The following RAB27B variants were observed in gnomAD, a reference collection of about 807,000 sequenced individuals.
The protein encoded by RAB27B is RAB27B, member RAS oncogene family, also known as ras-related protein Rab-27B.
RAB27B carries 15 observed loss-of-function variants against 24.6 expected under a neutral mutation model. The ratio of observed to expected loss-of-function variants is 0.61; its 90% CI spans 0.41 to 0.94. The LOEUF is 0.94. Among genes scored for constraint, RAB27B ranks in the 40% least tolerant of loss-of-function variants. The probability of loss-of-function intolerance (pLI) is 0.00; values close to 1 mark genes in which losing one functional copy is unlikely to be tolerated. For missense variants in RAB27B, 261 were observed against 266.8 expected, an observed-to-expected ratio of 0.98 and a Z score of 0.15; for synonymous variants, 105 against 92.5, an observed-to-expected ratio of 1.14 and a Z score of -0.78.
chr18:54,863,117 A>G (rs1912071072), intron 1 of RAB27B, among the ~76,000 whole-genome samples: 1 of 152,172 alleles, frequency 6.6e-6, no homozygotes, highest in South Asian at 2.1e-4. Context: ...TAGTGCTTAG[A>G]CTAAATGATA....
At chr18:54,793,395 C>T (rs8096618) in intron 2 of RAB27B, among the ~76,000 whole-genome samples, 122 of 152,296 alleles carry the variant, frequency 8.0e-4, no homozygotes, top group African/African-American at 2.8e-3. Context: ...TATCCTCTTT[C>T]ATGTGATATG....
intron 1 of RAB27B, among the ~76,000 whole-genome samples, chr18:54,840,049 C>CTT (rs1911047557): frequency 6.6e-6 from 1 of 152,116 alleles, no homozygotes; most frequent in African/African-American, 2.4e-5. Flanking sequence ...AATAATGAAG[C>CTT]TTTTTATAAG....
At chr18:54,755,013 A>T (rs1219760890) in intron 2 of RAB27B, among the ~76,000 whole-genome samples, 1 of 152,192 alleles carries the variant, frequency 6.6e-6, no homozygotes, top group Non-Finnish European at 1.5e-5. Flanking sequence ...GTGAAAGAAA[A>T]AGTTTGAAAA....
upstream of RAB27B, among the ~76,000 whole-genome samples, chr18:54,825,305 A>G (rs556186863): frequency 5.3e-5 from 8 of 152,170 alleles, no homozygotes; most frequent in South Asian, 1.0e-3. Context: ...TAATTATTTG[A>G]TTAATTTAAA....
At chr18:54,876,520 C>G (rs1912709884) in intron 1 of RAB27B, among the ~76,000 whole-genome samples, 1 of 152,048 alleles carries the variant, frequency 6.6e-6, no homozygotes, top group African/African-American at 2.4e-5. Context: ...ATGACAAACC[C>G]ATTTCAATTA....
intron 1 of RAB27B, among the ~76,000 whole-genome samples, chr18:54,859,942 C>G (rs1411763541): frequency 6.6e-6 from 1 of 152,092 alleles, no homozygotes; most frequent in Admixed American, 6.5e-5. Flanking sequence ...AGAAGTAAAA[C>G]CAGATTTTAA....
intron 2 of RAB27B, among the ~76,000 whole-genome samples, chr18:54,733,189 G>C (rs770942998): frequency 3.9e-5 from 6 of 152,092 alleles, no homozygotes; most frequent in African/African-American, 1.4e-4. Context: ...GGGACTATAG[G>C]TGCATACCAC....
chr18:54,721,609 C>T (rs966758618), intron 2 of RAB27B, among the ~76,000 whole-genome samples: 4 of 152,050 alleles, frequency 2.6e-5, no homozygotes, highest in Admixed American at 6.6e-5. Flanking sequence ...GTTATGTCCC[C>T]CCTTGCACAG....
chr18:54,720,417 C>T (rs992373264), intron 2 of RAB27B, among the ~76,000 whole-genome samples: 4 of 151,964 alleles, frequency 2.6e-5, no homozygotes, highest in African/African-American at 9.7e-5. Context: ...AATCTCATTC[C>T]ACCGATTTCA....
chr18:54,757,430 C>G (rs540616780), intron 2 of RAB27B, among the ~76,000 whole-genome samples: 18 of 152,236 alleles, frequency 1.2e-4, no homozygotes, highest in Middle Eastern at 3.4e-3. Flanking sequence ...ATTATCATAC[C>G]TTTTGACTAT....
At chr18:54,728,875 C>CAAAAAAAAAAAAAA (rs56161105) in intron 2 of RAB27B, among the ~76,000 whole-genome samples, 1 of 36,666 alleles carries the variant, frequency 2.7e-5, no homozygotes, top group African/African-American at 1.2e-4. Flanking sequence ...GACTCTGTCT[C>CAAAAAAAAAAAAAA]AAAAAAAAAA....
intron 1 of RAB27B, among the ~76,000 whole-genome samples, chr18:54,866,541 G>T (rs962935918): frequency 6.6e-6 from 1 of 152,164 alleles, no homozygotes; most frequent in Non-Finnish European, 1.5e-5. Flanking sequence ...CAGGTGATCC[G>T]CCCGCTTCGG....
At chr18:54,846,543 C>A (rs1911346283) in intron 1 of RAB27B, among the ~76,000 whole-genome samples, 1 of 152,096 alleles carries the variant, frequency 6.6e-6, no homozygotes, top group African/African-American at 2.4e-5. Context: ...CAAGCAAGAA[C>A]CAAGCCAAGT....
chr18:54,850,089 C>T (rs911906177), intron 1 of RAB27B, among the ~76,000 whole-genome samples: 1 of 151,626 alleles, frequency 6.6e-6, no homozygotes, highest in African/African-American at 2.4e-5. Context: ...GGCAATTAGC[C>T]AACTCCTAGA....
intron 1 of RAB27B, among the ~76,000 whole-genome samples, chr18:54,831,585 G>A (rs539865167): frequency 7.2e-4 from 109 of 152,236 alleles, no homozygotes; most frequent in Non-Finnish European, 1.2e-3. Context: ...TGAGATATAC[G>A]AGGCCTCTGC....
chr18:54,761,699 T>C (rs1908194693), intron 2 of RAB27B, among the ~76,000 whole-genome samples: 1 of 152,186 alleles, frequency 6.6e-6, no homozygotes, highest in Non-Finnish European at 1.5e-5. Flanking sequence ...AATAATCCAA[T>C]GTGTCAATAA....
chr18:54,814,167 A>G (rs1175245464), intron 2 of RAB27B, among the ~76,000 whole-genome samples: 2 of 152,216 alleles, frequency 1.3e-5, no homozygotes, highest in Non-Finnish European at 2.9e-5. Flanking sequence ...ATTGTTAGGG[A>G]CAGCAAACTC....
At chr18:54,751,745 T>C (rs1388638409) in intron 2 of RAB27B, among the ~76,000 whole-genome samples, 1 of 152,140 alleles carries the variant, frequency 6.6e-6, no homozygotes, top group Non-Finnish European at 1.5e-5. Flanking sequence ...GTAAGAGATA[T>C]AGGGAAATCG....
chr18:54,827,582 C>T (rs190262176), upstream of RAB27B, among the ~76,000 whole-genome samples: 15 of 152,144 alleles, frequency 9.9e-5, no homozygotes, highest in Non-Finnish European at 1.9e-4. Context: ...AACAGCAGTG[C>T]CTCCCAGATT....
Sources: allele counts gnomAD v4.1 joint callset (sites outside exome capture counted in the v4.1 genomes callset), GRCh38; gene constraint gnomAD v4.1.1; transcripts MANE v1.5; gene names NCBI Gene and HGNC (gene_info 2026-07-23, HGNC 2026-07-21).